Variants in IL34 observed in about 807,000 individuals in gnomAD.
IL34 encodes the protein interleukin 34.
IL34 carries 17 observed loss-of-function variants against 25.3 expected under a neutral mutation model. The ratio of observed to expected loss-of-function variants is 0.67; its 90% CI spans 0.46 to 1.01. The LOEUF is 1.01. Among genes scored for constraint, IL34 ranks in the 50% least tolerant of loss-of-function variants. IL34 has a pLI of 0.00. For synonymous variants in IL34, 174 were observed against 140.9 expected, an observed-to-expected ratio of 1.23 and a Z score of -1.66; for missense variants, 368 against 312.9, an observed-to-expected ratio of 1.18 and a Z score of -1.33.
intron 1 of IL34, among the ~76,000 whole-genome samples, chr16:70,608,780 C>G (rs1294324079): frequency 3.9e-5 from 6 of 152,204 alleles, no homozygotes; most frequent in Non-Finnish European, 8.8e-5. Context: ...TGGGGCTCAT[C>G]ATGGGTTCAG....
At chr16:70,590,952 G>T (rs1193732483) in intron 1 of IL34, among the ~76,000 whole-genome samples, 1 of 152,162 alleles carries the variant, frequency 6.6e-6, no homozygotes, top group Non-Finnish European at 1.5e-5. Flanking sequence ...CCTCCCTCTG[G>T]CTGCCTTCAC....
intron 1 of IL34, among the ~76,000 whole-genome samples, chr16:70,625,449 A>T (rs895183826): frequency 9.2e-5 from 14 of 152,108 alleles, no homozygotes; most frequent in Non-Finnish European, 1.9e-4. Flanking sequence ...GCTAAGGGCG[A>T]AGGAGAAGGG....
At chr16:70,615,275 G>C (rs557251379) in intron 1 of IL34, among the ~76,000 whole-genome samples, 1 of 152,180 alleles carries the variant, frequency 6.6e-6, no homozygotes, top group African/African-American at 2.4e-5. Context: ...TTGGGAGGCC[G>C]AGGTGGGTGG....
chr16:70,648,412 G>C (rs1475898575), intron 1 of IL34, among the ~76,000 whole-genome samples: 4 of 152,054 alleles, frequency 2.6e-5, no homozygotes, highest in Non-Finnish European at 5.9e-5. Context: ...AATTAGCCAG[G>C]TGTGGTGGCA....
chr16:70,636,209 T>C (rs1160652716), intron 1 of IL34, among the ~76,000 whole-genome samples: 5 of 151,990 alleles, frequency 3.3e-5, no homozygotes, highest in Non-Finnish European at 4.4e-5. Context: ...CAGCTAATTT[T>C]TGTGTTCTTA....
chr16:70,593,060 C>T (rs1389783300), intron 1 of IL34, among the ~76,000 whole-genome samples: 1 of 152,144 alleles, frequency 6.6e-6, no homozygotes, highest in African/African-American at 2.4e-5. Flanking sequence ...CTGCTGGCCT[C>T]AGGCGATCCT....
chr16:70,598,233 C>A (rs2050853979), intron 1 of IL34, among the ~76,000 whole-genome samples: 1 of 152,158 alleles, frequency 6.6e-6, no homozygotes, highest in Non-Finnish European at 1.5e-5. Context: ...CTGCCAGGCC[C>A]TTCCAGGCAC....
chr16:70,625,212 GAGA>G lies in IL34; in HGVS notation c.-400-21333_-400-21331del, dbSNP rs1251547533. Among the ~76,000 whole-genome samples, 28 of 151,938 alleles carry G rather than the reference GAGA, an allele frequency of 1.8e-4. 1 individual carries two copies. Among genetic ancestry groups the G allele is most frequent in the Non-Finnish European group, 4.1e-4 (28 of 67,964 alleles). Reference sequence around the variant, plus strand: ...AAGTTCGTGAGAAGTCAGGCTAAGGGAGAAGGAGGAATGGATGGTGGAAGGTTG... The same window carrying G: ...AAGTTCGTGAGAAGTCAGGCTAAGGGAGGAGGAATGGATGGTGGAAGGTTG... On this transcript the variant is annotated intron_variant, in intron 1 of 6. Transcript: ENST00000429149.
At chr16:70,622,429 A>C (rs1244742524) in intron 1 of IL34, among the ~76,000 whole-genome samples, 1 of 150,554 alleles carries the variant, frequency 6.6e-6, no homozygotes, top group East Asian at 2.0e-4. Context: ...TATTTCCTTG[A>C]GGATAGATTT....
chr16:70,600,677 A>G (rs1185123833), intron 1 of IL34, among the ~76,000 whole-genome samples: 1 of 152,220 alleles, frequency 6.6e-6, no homozygotes, highest in Non-Finnish European at 1.5e-5. Context: ...TTTTACAATC[A>G]GTCGTGCATT....
chr16:70,581,811 G>T (rs1004938629), intron 1 of IL34, among the ~76,000 whole-genome samples: 2 of 152,172 alleles, frequency 1.3e-5, no homozygotes, highest in Admixed American at 6.5e-5. Context: ...GGCCGGACAT[G>T]GTGGCTCATG....
At chr16:70,655,272 C>T (rs2052187474) in intron 2 of IL34, among the ~76,000 whole-genome samples, 1 of 151,738 alleles carries the variant, frequency 6.6e-6, no homozygotes, top group South Asian at 2.1e-4. Context: ...AGGATGGTCT[C>T]CATCTCTTGA....
At chr16:70,610,267 A>C (rs1399942043) in intron 1 of IL34, among the ~76,000 whole-genome samples, 6 of 151,438 alleles carry the variant, frequency 4.0e-5, no homozygotes, top group African/African-American at 1.5e-4. Context: ...CTGGGAGAGG[A>C]GGGAGGAATC....
chr16:70,587,924 A>G (rs927256590), intron 1 of IL34, among the ~76,000 whole-genome samples: 6 of 152,076 alleles, frequency 3.9e-5, no homozygotes, highest in African/African-American at 1.4e-4. Context: ...CTGTAGTCCC[A>G]GTTACTCAGG....
rs909828662 is a variant in IL34, at chr16:70,608,131, T to C, written c.-401+28082T>C. On this transcript the variant is annotated intron_variant, in intron 1 of 6. Coordinates refer to the IL34 transcript ENST00000429149. Reference sequence around the variant, plus strand: ...GATGATTGATTTTCTTTTTTCTTTTTTTTTTTTTTTTTTTTGAGATAGAGT... The same window carrying C: ...GATGATTGATTTTCTTTTTTCTTTTCTTTTTTTTTTTTTTTGAGATAGAGT... Among the ~76,000 whole-genome samples, 108 of 145,864 alleles carry C rather than the reference T, an allele frequency of 7.4e-4. 1 individual carries two copies. The highest frequency in any genetic ancestry group is 9.5e-4 in the Admixed American group (14 of 14,682).
chr16:70,610,071 G>A (rs1056803419), intron 1 of IL34, among the ~76,000 whole-genome samples: 13 of 152,188 alleles, frequency 8.5e-5, no homozygotes, highest in Admixed American at 6.5e-4. Flanking sequence ...GTGTGGTGGC[G>A]GGCGCCTGTA....
chr16:70,650,879 A>G (rs59865481), intron 1 of IL34, among the ~76,000 whole-genome samples: 40,072 of 152,080 alleles, frequency 0.26, 5,605 homozygotes, highest in South Asian at 0.43. Context: ...CCCCAAATGC[A>G]CATGTGAAGT....
At chr16:70,634,032 G>T (rs1426333314) in intron 1 of IL34, among the ~76,000 whole-genome samples, 1 of 151,830 alleles carries the variant, frequency 6.6e-6, no homozygotes, top group East Asian at 1.9e-4. Flanking sequence ...TGTATTTTTA[G>T]TAGAGACGGG....
rs2051937318 is a variant in IL34, at chr16:70,646,637, C to G, written c.-311C>G. On this transcript the variant is annotated 5_prime_UTR_variant, in exon 1 of 6. Transcript: ENST00000288098. Reference sequence around the variant, plus strand: ...TTCCGAGGGGCCTGCCAGGGACTCTCTCCTCCTGCTCCTTGGAAAGGAAGA... The same window carrying G: ...TTCCGAGGGGCCTGCCAGGGACTCTGTCCTCCTGCTCCTTGGAAAGGAAGA... 2 of 396,870 alleles carry G rather than the reference C, an allele frequency of 5.0e-6. No homozygotes were observed. The highest frequency in any genetic ancestry group is 8.9e-6 in the Non-Finnish European group (2 of 224,802). The allele number at this position is 396,870 out of a possible 1,614,324, so 24.6% of individuals were successfully genotyped here. A position where few individuals can be genotyped will look rare whatever the true frequency, so the allele number is the denominator to read the frequency against.
Sources: gnomAD v4.1 joint callset for allele counts (sites outside exome capture counted in the v4.1 genomes callset) on GRCh38, gnomAD v4.1.1 for gene constraint, MANE v1.5 for transcripts, NCBI Gene and HGNC (gene_info 2026-07-23, HGNC 2026-07-21) for gene names.